TP73: variants seen among roughly 807,000 people sequenced by gnomAD.
TP73 encodes p53-like transcription factor.
Under a neutral mutation model 62.5 loss-of-function variants are expected in TP73, and 25 were observed. That is an observed-to-expected ratio of 0.40 (90% CI 0.29 to 0.56). The LOEUF is 0.56. Among genes scored for constraint, TP73 ranks in the 20% least tolerant of loss-of-function variants. The pLI, the probability that TP73 is intolerant of heterozygous loss-of-function variation, is 0.46. For synonymous variants in TP73, 423 were observed against 377.5 expected, an observed-to-expected ratio of 1.12 and a Z score of -1.40; for missense variants, 754 against 913.3, an observed-to-expected ratio of 0.83 and a Z score of 2.25.
rs1642384922 is a variant in TP73 at position 3,735,117 on chromosome 1, A to T, written c.*2038A>T. 1 of 152,178 alleles carries T rather than the reference A, an allele frequency of 6.6e-6. No homozygotes were observed. The highest frequency in any genetic ancestry group is 1.5e-5 in the Non-Finnish European group (1 of 68,048). 9.4% of individuals were successfully genotyped at this position (152,178 alleles called of 1,614,324 possible). ...GTAGATGAGGAAGCTGAGACCAGAA[A>T]GGCTAAGACCCATGCCCCAGGCACC... On this transcript the variant is annotated 3_prime_UTR_variant, in exon 14 of 14. Transcript: ENST00000378295.
At chr1:3,731,261 A>C (rs78831753) in intron 12 of TP73, among the ~76,000 whole-genome samples, 196 bp downstream of exon 12, 2,951 of 152,278 alleles carry the variant, frequency 0.019, 104 homozygotes, top group African/African-American at 0.067. Flanking sequence ...GGAAAAGCAC[A>C]AAAAGCCGGG....
chr1:3,711,932 C>A (rs926053300), intron 4 of TP73, among the ~76,000 whole-genome samples: 2 of 152,050 alleles, frequency 1.3e-5, no homozygotes, highest in Non-Finnish European at 2.9e-5. Context: ...GAAAGCCCCC[C>A]GTCCAGGAGG....
chr1:3,683,025 G>A (rs761650125), intron 2 of TP73, 35 bp from the exon 3 acceptor site: 2 of 1,583,864 alleles, frequency 1.3e-6, no homozygotes, highest in Admixed American at 1.7e-5. Flanking sequence ...CCCAAACTGG[G>A]GACTGACGCT....
In TP73 at chr1:3,667,018, A is replaced by C. The variant is rs142680124; in HGVS notation, c.-34+14377A>C. ...GCAGGATCCAGGTGGGTCCAGTGTC[A>C]TCAGGGGGCCCCACAAGAGGGGTGA... On this transcript the variant is annotated intron_variant, in intron 1 of 13. Coordinates refer to ENST00000378295, the MANE Select transcript of TP73 (RefSeq NM_005427.4). 7.8e-3 allele frequency among the ~76,000 whole-genome samples: 1,194 copies of C among 152,316 alleles called. 15 individuals carry two copies. The highest frequency in any genetic ancestry group is 0.028 in the African/African-American group (1,145 of 41,564).
intron 3 of TP73, among the ~76,000 whole-genome samples, chr1:3,695,246 C>T (rs1302634916): frequency 6.6e-6 from 1 of 152,242 alleles, no homozygotes; most frequent in Non-Finnish European, 1.5e-5. Flanking sequence ...GAGCTGGGTG[C>T]TGTCTACCAA....
At chr1:3,659,190 A>AAC (rs60073091) in intron 1 of TP73, 2 of 145,190 alleles carry the variant, frequency 1.4e-5, no homozygotes, top group African/African-American at 5.0e-5. Context: ...AAAAAAAAAA[A>AAC]GCTAATCATT....
rs1645043343 is a variant in TP73, at chr1:3,663,551, TA to T, written c.-34+10916del. ...TCACACGGTGAAACCCCATCTCTACTAAAAAATACAAAAAATTAGCCAGGCG... is the reference window on the plus strand; with the variant it reads ...TCACACGGTGAAACCCCATCTCTACTAAAAATACAAAAAATTAGCCAGGCG... On this transcript the variant is annotated intron_variant, in intron 1 of 13. Transcript: ENST00000378295. The surrounding 1 kb of genome is among the most constrained non-coding windows in gnomAD (Gnocchi z 4.7). Among the ~76,000 whole-genome samples the T allele has an allele frequency of 2.6e-5, 4 of 151,898 alleles. No individual in the cohort carries two copies. In the South Asian group the frequency reaches 8.3e-4, roughly 32 times the overall value.
At position 3,672,046 on chromosome 1, in the gene TP73, C is replaced by T. The variant is rs1368085193; in HGVS notation, c.-33-10287C>T. Among the ~76,000 whole-genome samples, 5 of 152,166 alleles carry T rather than the reference C, an allele frequency of 3.3e-5. No individual in the cohort carries two copies. Among genetic ancestry groups the T allele is most frequent in the South Asian group, 2.1e-4 (1 of 4,832 alleles). On this transcript the variant is annotated intron_variant, in intron 1 of 13. Coordinates refer to ENST00000378295, the MANE Select transcript of TP73 (RefSeq NM_005427.4). The surrounding 1 kb of genome is among the most constrained non-coding windows in gnomAD (Gnocchi z 5.3). Reference sequence around the variant, plus strand: ...GAGTTGACAGCTGTCTGGAAGGGCACGTCTGCTCAGACCGCAGGGTAGGGA... The same window carrying T: ...GAGTTGACAGCTGTCTGGAAGGGCATGTCTGCTCAGACCGCAGGGTAGGGA...
intron 1 of TP73, among the ~76,000 whole-genome samples, chr1:3,658,321 G>A (rs536823076): frequency 1.3e-5 from 2 of 152,344 alleles, no homozygotes; most frequent in East Asian, 1.9e-4. Flanking sequence ...GTCAATAAAC[G>A]ATTGACAAAA....
intron 2 of TP73, 85 bp downstream of exon 2, chr1:3,682,515 G>C: frequency 7.7e-7 from 1 of 1,300,298 alleles, no homozygotes; most frequent in Non-Finnish European, 1.0e-6. Flanking sequence ...GGGCTAACTG[G>C]GCCAGAGCAG....
rs191560775 is a variant in TP73 at position 3,685,459 on chromosome 1, G to A, written c.186+2279G>A. On this transcript the variant is annotated intron_variant, in intron 3 of 13. Transcript: ENST00000378295. ...TTCCTAGGTGCACAGCTCGACTCAC[G>A]GAGATGGGGGATTCCCTGGAATGAA... is the stretch of plus-strand genomic sequence containing the variant. Among the ~76,000 whole-genome samples the A allele has an allele frequency of 7.1e-4, 108 of 152,348 alleles. 1 individual carries two copies. The East Asian group carries it at 0.014, about 20-fold the overall frequency.
intron 1 of TP73, among the ~76,000 whole-genome samples, chr1:3,681,017 C>T (rs937757654): frequency 2.2e-4 from 33 of 152,380 alleles, no homozygotes; most frequent in Admixed American, 1.2e-3. Context: ...GGAGCGGTCA[C>T]GCCCACCTGG....
intron 1 of TP73, among the ~76,000 whole-genome samples, chr1:3,657,572 C>T (rs1041185247): frequency 1.3e-5 from 2 of 152,338 alleles, no homozygotes; most frequent in South Asian, 4.1e-4. Flanking sequence ...TTCAGTAACT[C>T]GTGATCCTGT....
At position 3,732,778 on chromosome 1, in the gene TP73, AC is replaced by A; in HGVS notation, c.1612del (p.Arg538AlafsTer2). The A allele has an allele frequency of 6.3e-7, 1 of 1,597,842 alleles. No individual in the cohort carries two copies. The highest frequency in any genetic ancestry group is 8.5e-7 in the Non-Finnish European group (1 of 1,169,880). ...DLGALKIPEQ[Y>X]RMTIWRGLQD... ...GGGGCCCTGAAGATCCCCGAGCAGT[AC>A]CGCATGACCATCTGGCGGGGCCTGC... is the stretch of plus-strand genomic sequence containing the variant. On this transcript the variant is annotated frameshift_variant, in exon 14 of 14. Coordinates refer to ENST00000378295, the MANE Select transcript of TP73 (RefSeq NM_005427.4). LOFTEE classifies it high-confidence loss of function.
At chr1:3,654,751 AG>A (rs1218493176) in intron 1 of TP73, among the ~76,000 whole-genome samples, 13 of 152,212 alleles carry the variant, frequency 8.5e-5, no homozygotes, top group Non-Finnish European at 1.3e-4. Context: ...GAGGGATGGC[AG>A]TGAGGCAGGC....
At chr1:3,723,302 C>G in intron 5 of TP73, 52 bp from the exon 6 acceptor site, 1 of 1,463,030 alleles carries the variant, frequency 6.8e-7, no homozygotes, top group African/African-American at 1.4e-5. Context: ...GCACCTAGCA[C>G]AGGGGTGGGC....
rs1570654530 is a variant in TP73, at chr1:3,731,507, C to T, written c.1529C>T (p.Thr510Ile). The T allele has an allele frequency of 6.2e-7, 1 of 1,613,866 alleles. No individual in the cohort carries two copies. Among genetic ancestry groups the T allele is most frequent in the Non-Finnish European group, 8.5e-7 (1 of 1,180,020 alleles). The change falls in exon 13 of 14, where the codon ACC (threonine) becomes ATC (isoleucine). Residue 510 changes from threonine to isoleucine, a missense_variant. Thr to Ile is a moderately conservative substitution (Grantham distance 89). Coordinates refer to ENST00000378295, the MANE Select transcript of TP73 (RefSeq NM_005427.4). ...LGCPNCIEYFTSQGLQSIYHL... is the reference protein window; with the variant it reads ...LGCPNCIEYFISQGLQSIYHL... ...TGTCCAAACTGCATCGAGTATTTCA[C>T]CTCCCAAGGGTTACAGAGCATTTAC...
In TP73 at chr1:3,676,079, G is replaced by A. The variant is rs1287145331; in HGVS notation, c.-33-6254G>A. Among the ~76,000 whole-genome samples the A allele has an allele frequency of 4.0e-5, 6 of 151,400 alleles. No individual in the cohort carries two copies. The East Asian group carries it at 1.2e-3, about 30-fold the overall frequency. On this transcript the variant is annotated intron_variant, in intron 1 of 13. Coordinates refer to ENST00000378295, the MANE Select transcript of TP73 (RefSeq NM_005427.4). ...ACAGGGGACAAGGAGGGCACCCATG[G>A]GGACAAGAGATAGGGAGAGGACAGA...
chr1:3,688,184 C>T (rs1055482961), intron 3 of TP73, among the ~76,000 whole-genome samples: 3 of 152,118 alleles, frequency 2.0e-5, no homozygotes, highest in Admixed American at 2.0e-4. Context: ...CACCCGTTAC[C>T]CCCTCCCAGA....
Sources: gnomAD v4.1 joint callset for allele counts (sites outside exome capture counted in the v4.1 genomes callset) on GRCh38, gnomAD v4.1.1 for gene constraint, Gnocchi (gnomAD v3.1) non-coding constraint, MANE v1.5 for transcripts, NCBI Gene and HGNC (gene_info 2026-07-23, HGNC 2026-07-21) for gene names.